APBB2: variants seen among roughly 807,000 people sequenced by gnomAD.
APBB2 encodes the protein amyloid beta precursor protein binding family B member 2.
APBB2 carries 38 observed loss-of-function variants against 82.5 expected under a neutral mutation model. The observed-to-expected ratio is 0.46, with a 90% CI of 0.36 to 0.60. The LOEUF (loss-of-function observed/expected upper bound fraction) is 0.60. Among genes scored for constraint, APBB2 ranks in the 20% least tolerant of loss-of-function variants. APBB2 has a pLI of 0.00. For synonymous variants in APBB2, 341 were observed against 368.2 expected (o/e 0.93, Z 0.85); for missense variants, 772 against 972.3 (o/e 0.79, Z 2.74).
chr4:41,198,760 A>G (rs1775967561), intron 1 of APBB2, among the ~76,000 whole-genome samples: 1 of 152,222 alleles, frequency 6.6e-6, no homozygotes, highest in Non-Finnish European at 1.5e-5. Context: ...TGGCAGAGCC[A>G]TGATCCCTCC....
intron 2 of APBB2, among the ~76,000 whole-genome samples, chr4:41,135,532 G>C (rs1022057107): frequency 6.6e-6 from 1 of 152,136 alleles, no homozygotes; most frequent in Non-Finnish European, 1.5e-5. Flanking sequence ...CATGCGTATA[G>C]ATCTTATTTG....
Position 40,980,852 on chromosome 4 carries a change from T to C in APBB2, c.835+32731A>G, listed in dbSNP as rs545797056. 7.2e-5 allele frequency among the ~76,000 whole-genome samples: 11 copies of C among 152,318 alleles called. No homozygotes were observed. In the South Asian group the frequency reaches 2.3e-3, roughly 32 times the overall value. ...ATCTATTCCAGCTTCCAATCTCTTT[T>C]CTTGACTAGGAGATATTTCAAGTAA... On this transcript the variant is annotated intron_variant, in intron 6 of 17. Transcript: ENST00000508593.
intron 6 of APBB2, among the ~76,000 whole-genome samples, chr4:40,958,091 C>G (rs1792160880): frequency 6.6e-6 from 1 of 152,158 alleles, no homozygotes. Flanking sequence ...TGTAAATATT[C>G]AACCATCCAT....
intron 12 of APBB2, among the ~76,000 whole-genome samples, chr4:40,883,710 C>CAA (rs10578840): frequency 4.7e-5 from 6 of 126,928 alleles, no homozygotes; most frequent in African/African-American, 1.8e-4. Context: ...TAGAGACTGC[C>CAA]AAAAAAAAAA....
At chr4:40,850,716 T>C (rs1203750470) in intron 12 of APBB2, among the ~76,000 whole-genome samples, 3 of 152,154 alleles carry the variant, frequency 2.0e-5, no homozygotes, top group Admixed American at 1.3e-4. Context: ...AAATATTTAA[T>C]ATGTGGCCAG....
chr4:40,955,051 C>T (rs1252398985), intron 6 of APBB2, among the ~76,000 whole-genome samples: 1 of 152,202 alleles, frequency 6.6e-6, no homozygotes, highest in Non-Finnish European at 1.5e-5. Flanking sequence ...CTTACTCATT[C>T]TTCTGTACCG....
At chr4:40,962,171 A>C (rs1478925599) in intron 6 of APBB2, among the ~76,000 whole-genome samples, 1 of 152,182 alleles carries the variant, frequency 6.6e-6, no homozygotes, top group Non-Finnish European at 1.5e-5. Flanking sequence ...TGCAGGGGCT[A>C]TTGACAGAAA....
intron 2 of APBB2, among the ~76,000 whole-genome samples, chr4:41,129,551 T>C (rs34313045): frequency 0.17 from 25,927 of 152,214 alleles, 2,803 homozygotes; most frequent in Non-Finnish European, 0.23. Flanking sequence ...ACAGGCTTTG[T>C]TCTCCTGCTG....
intron 6 of APBB2, among the ~76,000 whole-genome samples, chr4:41,000,743 C>T (rs1382895382): frequency 6.6e-6 from 1 of 152,072 alleles, no homozygotes; most frequent in Non-Finnish European, 1.5e-5. Flanking sequence ...AGATTATTAC[C>T]AATCCAATAA....
chr4:41,192,992 A>G (rs1218662584), intron 1 of APBB2, among the ~76,000 whole-genome samples: 1 of 152,218 alleles, frequency 6.6e-6, no homozygotes, highest in Non-Finnish European at 1.5e-5. Context: ...GGTTAAAGGC[A>G]CCATTTGATT....
intron 10 of APBB2, among the ~76,000 whole-genome samples, chr4:40,898,011 A>G (rs530033118): frequency 6.6e-6 from 1 of 152,310 alleles, no homozygotes; most frequent in Non-Finnish European, 1.5e-5. Context: ...AAAAGGGCAA[A>G]AGAGTAATGG....
intron 12 of APBB2, among the ~76,000 whole-genome samples, chr4:40,834,816 C>T (rs1288950264): frequency 2.0e-5 from 3 of 152,028 alleles, no homozygotes; most frequent in Admixed American, 1.3e-4. Flanking sequence ...ACAGCCCAGC[C>T]AACACTGGGA....
intron 3 of APBB2, among the ~76,000 whole-genome samples, chr4:41,074,204 C>T (rs1185497590): frequency 2.0e-5 from 3 of 152,114 alleles, no homozygotes; most frequent in Non-Finnish European, 4.4e-5. Flanking sequence ...ATTTTTGCTT[C>T]CAGTAAAATT....
At chr4:40,897,533 T>A (rs1043810243) in intron 10 of APBB2, among the ~76,000 whole-genome samples, 2 of 151,400 alleles carry the variant, frequency 1.3e-5, no homozygotes, top group Non-Finnish European at 2.9e-5. Context: ...AAAAAAAAAA[T>A]TGTTTTGTCA....
chr4:40,883,584 T>C (rs529530416), intron 12 of APBB2, among the ~76,000 whole-genome samples: 35 of 151,582 alleles, frequency 2.3e-4, no homozygotes, highest in African/African-American at 8.5e-4. Context: ...TGAAACTCAA[T>C]CTGAAAAAAA....
chr4:40,847,098 T>C (rs942757360), intron 12 of APBB2, among the ~76,000 whole-genome samples: 1 of 152,156 alleles, frequency 6.6e-6, no homozygotes, highest in East Asian at 1.9e-4. Flanking sequence ...GATAACGTTA[T>C]ATAAATTCTA....
chr4:41,140,927 T>G (rs928227838), intron 2 of APBB2, among the ~76,000 whole-genome samples: 2 of 152,166 alleles, frequency 1.3e-5, no homozygotes, highest in African/African-American at 2.4e-5. Flanking sequence ...TACATTACAA[T>G]GAGTTGCAAA....
At chr4:40,934,313 G>C in intron 10 of APBB2, 143 bp downstream of exon 10, 1 of 781,974 alleles carries the variant, frequency 1.3e-6, no homozygotes, top group Non-Finnish European at 2.1e-6. Context: ...CAAGTGTCAG[G>C]GAGATTAGGA....
chr4:41,051,068 T>C (rs1246088407), intron 4 of APBB2, among the ~76,000 whole-genome samples: 1 of 151,170 alleles, frequency 6.6e-6, no homozygotes, highest in Non-Finnish European at 1.5e-5. Context: ...CCTGCTTTCC[T>C]CAACAGAACT....
Sources: allele counts gnomAD v4.1 joint callset (sites outside exome capture counted in the v4.1 genomes callset), GRCh38; gene constraint gnomAD v4.1.1; transcripts MANE v1.5; gene names NCBI Gene and HGNC (gene_info 2026-07-23, HGNC 2026-07-21).